WHRN: variants seen among roughly 807,000 people sequenced by gnomAD.
The protein encoded by WHRN is CASK-interacting protein CIP98.
In WHRN, 41 loss-of-function variants were observed where a neutral mutation model predicts 68.3. The observed-to-expected ratio is 0.60, with a 90% CI of 0.47 to 0.78. WHRN has a LOEUF of 0.78. Ranked by LOEUF, WHRN falls within the 30% of genes least tolerant of loss-of-function variation. The pLI, the probability that WHRN is intolerant of heterozygous loss-of-function variation, is 0.00. For missense variants in WHRN, 1,243 were observed against 1,244.7 expected (o/e 1.00, Z 0.02); for synonymous variants, 560 against 561.3 (o/e 1.00, Z 0.03).
At chr9:114,429,559 C>T (rs4978585) in intron 3 of WHRN, among the ~76,000 whole-genome samples, 49,856 of 152,114 alleles carry the variant, frequency 0.33, 9,556 homozygotes, top group East Asian at 0.57. Context: ...TCTCTTTCTC[C>T]CTTTTTATGT....
intron 3 of WHRN, among the ~76,000 whole-genome samples, chr9:114,445,516 C>A (rs992874065): frequency 2.0e-5 from 3 of 152,050 alleles, no homozygotes; most frequent in Non-Finnish European, 2.9e-5. Context: ...ATACAAAGAC[C>A]AGACTGTCAA....
At position 114,438,197 on chromosome 9, in the gene WHRN, A is replaced by G. The variant is rs79497712; in HGVS notation, c.964-11784T>C. Among the ~76,000 whole-genome samples the G allele has an allele frequency of 9.5e-3, 1,439 of 152,128 alleles. 23 individuals carry two copies. The highest frequency in any genetic ancestry group is 0.033 in the African/African-American group (1,380 of 41,504). On this transcript the variant is annotated intron_variant, in intron 3 of 11. Coordinates refer to ENST00000362057, the MANE Select transcript of WHRN (RefSeq NM_015404.4). The stretch of plus-strand genomic sequence containing the variant: ...TTGCAGTGAGTCGAGACTGTGCCAC[A>G]GCACTCCAGCCTGGGTGAGTGAGTG...
chr9:114,442,372 A>T (rs1464788002), intron 3 of WHRN, among the ~76,000 whole-genome samples: 1 of 152,208 alleles, frequency 6.6e-6, no homozygotes, highest in East Asian at 1.9e-4. Context: ...CCTTGTTCTT[A>T]GAGAAAAAAA....
intron 1 of WHRN, among the ~76,000 whole-genome samples, chr9:114,500,033 A>G (rs1351743642): frequency 6.6e-6 from 1 of 152,328 alleles, no homozygotes; most frequent in East Asian, 1.9e-4. Context: ...TTTAAAGAGT[A>G]AATAACCAGA....
chr9:114,486,908 A>AGT (rs141910825), intron 1 of WHRN, among the ~76,000 whole-genome samples: 7,778 of 33,824 alleles, frequency 0.23, 1,204 homozygotes, highest in African/African-American at 0.4. Context: ...GTGTGTGTAG[A>AGT]GTGTGTGTGT....
In WHRN at chr9:114,424,360, A is replaced by T; in HGVS notation, c.1390T>A (p.Phe464Ile). The change falls in exon 6 of 12, where the codon TTC becomes ATC. Residue 464 changes from phenylalanine (F) to isoleucine (I), a missense_variant. By Grantham distance (21) the Phe-to-Ile change is conservative. Coordinates refer to ENST00000362057, the MANE Select transcript of WHRN (RefSeq NM_015404.4). ...TTGGCGTGGGTGTTGAGCAGCTTGA[A>T]CAGGGCCATGACGAGGGCCTCCACA... ...VSVEALVMAL[F>I]KLLNTHAKFS... is the part of the protein sequence containing the mutation. 4.3e-6 allele frequency: 7 copies of T among 1,612,314 alleles called. No individual in the cohort carries two copies. Among genetic ancestry groups the T allele is most frequent in the Non-Finnish European group, 5.9e-6 (7 of 1,179,986 alleles).
At chr9:114,442,066 A>T (rs1386330314) in intron 3 of WHRN, among the ~76,000 whole-genome samples, 2 of 152,232 alleles carry the variant, frequency 1.3e-5, no homozygotes, top group Non-Finnish European at 2.9e-5. Context: ...CAGATATCCC[A>T]AATAGAGAAA....
At chr9:114,410,859 T>C (rs1482241232) in intron 7 of WHRN, among the ~76,000 whole-genome samples, 1 of 152,208 alleles carries the variant, frequency 6.6e-6, no homozygotes, top group Non-Finnish European at 1.5e-5. Flanking sequence ...GCGAGGGTGA[T>C]TGGGCTGCTC....
chr9:114,482,901 C>A (rs1443899838), intron 1 of WHRN, among the ~76,000 whole-genome samples: 1 of 151,960 alleles, frequency 6.6e-6, no homozygotes, highest in Non-Finnish European at 1.5e-5. Flanking sequence ...GGCTGCCCAC[C>A]CCCAGTATTT....
intron 9 of WHRN, 144 bp downstream of exon 9, chr9:114,406,210 TG>T (rs1835010575): frequency 1.9e-6 from 2 of 1,080,860 alleles, no homozygotes; most frequent in Non-Finnish European, 2.7e-6. Flanking sequence ...GGATTCAAAC[TG>T]GGGTCTCCAA....
chr9:114,481,311 G>A (rs1842077970), intron 1 of WHRN, among the ~76,000 whole-genome samples: 1 of 152,210 alleles, frequency 6.6e-6, no homozygotes, highest in African/African-American at 2.4e-5. Context: ...GGATAACGAG[G>A]ATGGCGTCTC....
At chr9:114,481,317 GTC>G (rs1842078953) in intron 1 of WHRN, among the ~76,000 whole-genome samples, 1 of 152,236 alleles carries the variant, frequency 6.6e-6, no homozygotes, top group Admixed American at 6.5e-5. Flanking sequence ...CGAGGATGGC[GTC>G]TCTCCAAAAT....
At chr9:114,418,688 A>G (rs1384712406) in intron 7 of WHRN, among the ~76,000 whole-genome samples, 4 of 152,202 alleles carry the variant, frequency 2.6e-5, no homozygotes, top group Admixed American at 2.0e-4. Context: ...GCCTTTGCAC[A>G]TGCAGCTGCT....
At chr9:114,444,582 A>G (rs1838658555) in intron 3 of WHRN, among the ~76,000 whole-genome samples, 1 of 152,092 alleles carries the variant, frequency 6.6e-6, no homozygotes. Flanking sequence ...TTAAAAACGC[A>G]TCTCCATTCC....
intron 10 of WHRN, among the ~76,000 whole-genome samples, chr9:114,403,614 T>C (rs1439555352): frequency 1.3e-5 from 2 of 152,212 alleles, no homozygotes; most frequent in Non-Finnish European, 1.5e-5. Context: ...CCGAAGACTG[T>C]CTCAGCCACC....
intron 1 of WHRN, among the ~76,000 whole-genome samples, chr9:114,499,107 G>A (rs1412194090): frequency 6.6e-6 from 1 of 152,142 alleles, no homozygotes; most frequent in Non-Finnish European, 1.5e-5. Flanking sequence ...GCTGTGAACC[G>A]AAAACTGCTT....
intron 7 of WHRN, among the ~76,000 whole-genome samples, chr9:114,415,609 C>A (rs537910857): frequency 3.9e-4 from 60 of 152,334 alleles, no homozygotes; most frequent in Non-Finnish European, 6.8e-4. Flanking sequence ...TCACACCACC[C>A]TTCAGCCCGC....
chr9:114,486,883 T>C (rs1193019541), intron 1 of WHRN, among the ~76,000 whole-genome samples: 2 of 20,170 alleles, frequency 9.9e-5, no homozygotes, highest in East Asian at 5.2e-3. Context: ...GATGATTAAA[T>C]TAGTGTGTGT....
chr9:114,491,650 A>C (rs991072074), intron 1 of WHRN: 2 of 238,326 alleles, frequency 8.4e-6, no homozygotes, highest in African/African-American at 4.5e-5. Context: ...CCAAGATGAC[A>C]GGCTTTTTGC....
Sources: allele counts gnomAD v4.1 joint callset (sites outside exome capture counted in the v4.1 genomes callset), GRCh38; gene constraint gnomAD v4.1.1; transcripts MANE v1.5; gene names NCBI Gene and HGNC (gene_info 2026-07-23, HGNC 2026-07-21).